CP: variants seen among roughly 807,000 people sequenced by gnomAD.
CP encodes the protein caeruloplasmin.
CP carries 64 observed loss-of-function variants against 122.4 expected under a neutral mutation model. The observed-to-expected ratio is 0.52, with a 90% confidence interval of 0.43 to 0.64. CP has a LOEUF of 0.64. Ranked by LOEUF, CP falls within the 30% of genes least tolerant of loss-of-function variation. The pLI is 0.00. For missense variants in CP, 1,167 were observed against 1,284.4 expected (o/e 0.91, Z 1.40); for synonymous variants, 440 against 436.4 (o/e 1.01, Z -0.10).
At chr3:149,204,155 A>T (rs2108283021) in intron 6 of CP, among the ~76,000 whole-genome samples, 1 of 152,336 alleles carries the variant, frequency 6.6e-6, no homozygotes, top group Middle Eastern at 3.4e-3. Flanking sequence ...GATGGGAGAT[A>T]AGCAGTAGGA....
Position 149,183,207 on chromosome 3 carries a change from C to A in CP, c.2425+259G>T, listed in dbSNP as rs11714000. 0.15 allele frequency among the ~76,000 whole-genome samples: 22,717 copies of A among 151,928 alleles called. 3,011 individuals are homozygous for A. Among genetic ancestry groups the A allele is most frequent in the African/African-American group, 0.36 (14,954 of 41,350 alleles). ...GGAACTTCACTAAAACTACAGGCAT[C>A]AATTTGATAAAATATATATAATTTC... On this transcript the variant is annotated intron_variant, in intron 13 of 18. Transcript: ENST00000264613.
intron 9 of CP, among the ~76,000 whole-genome samples, chr3:149,189,413 GT>G (rs1221805027): frequency 1.3e-5 from 2 of 151,418 alleles, no homozygotes; most frequent in East Asian, 3.9e-4. Flanking sequence ...AATTAGCCGG[GT>G]GTGATGGCGG....
intron 1 of CP, among the ~76,000 whole-genome samples, chr3:149,215,718 T>G (rs769632099): frequency 1.3e-4 from 20 of 152,206 alleles, no homozygotes; most frequent in Non-Finnish European, 2.6e-4. Flanking sequence ...AGTTTGCCAG[T>G]TAGATATTCA....
intron 6 of CP, among the ~76,000 whole-genome samples, chr3:149,205,305 G>A (rs1384492998): frequency 6.6e-6 from 1 of 150,416 alleles, no homozygotes; most frequent in East Asian, 1.9e-4. Flanking sequence ...GAACAGTAAT[G>A]TGGTTCCTCA....
intron 5 of CP, chr3:149,163,717 C>T: frequency 1.6e-6 from 1 of 610,966 alleles, no homozygotes; most frequent in Non-Finnish European, 2.9e-6. Flanking sequence ...CTTCCCATTC[C>T]CAGGAAAGTA....
chr3:149,179,444 T>C (rs1725638454), intron 15 of CP, 112 bp downstream of exon 15: 5 of 844,936 alleles, frequency 5.9e-6, no homozygotes, highest in South Asian at 5.7e-5. Context: ...AAACAGTTTA[T>C]TTTCCTAGGA....
At chr3:149,212,292 C>G (rs34626625) in intron 2 of CP, among the ~76,000 whole-genome samples, 159 bp downstream of exon 2, 1 of 149,364 alleles carries the variant, frequency 6.7e-6, no homozygotes, top group African/African-American at 2.5e-5. Flanking sequence ...GCCTGGGTGA[C>G]AGAAGTCAAA....
At chr3:149,220,263 G>A (rs1235622568) in intron 1 of CP, among the ~76,000 whole-genome samples, 1 of 152,138 alleles carries the variant, frequency 6.6e-6, no homozygotes, top group Non-Finnish European at 1.5e-5. Flanking sequence ...AAGCTGATTT[G>A]ATTTTTGATC....
chr3:149,193,920 G>T (rs1357180783), intron 9 of CP, among the ~76,000 whole-genome samples: 1 of 152,178 alleles, frequency 6.6e-6, no homozygotes, highest in Non-Finnish European at 1.5e-5. Context: ...GACTTCTGAT[G>T]CCTCTGTAGG....
In CP at chr3:149,185,593, C is replaced by G. The variant is rs58865535; in HGVS notation, c.2078-147G>C. On this transcript the variant is annotated intron_variant, in intron 11 of 18. Coordinates refer to ENST00000264613, the MANE Select transcript of CP (RefSeq NM_000096.4). ...TTCTGCTCACCCTGCTCCATCCATCCTTTTGCTGTTCTTAGAGCAGATCAA... is the reference window on the plus strand; with the variant it reads ...TTCTGCTCACCCTGCTCCATCCATCGTTTTGCTGTTCTTAGAGCAGATCAA... 19,122 of 743,178 alleles carry G rather than the reference C, an allele frequency of 0.026. 1,202 individuals carry two copies. The highest frequency in any genetic ancestry group is 0.2 in the African/African-American group (11,205 of 56,476). 46.0% of individuals were successfully genotyped at this position (743,178 alleles called of 1,614,324 possible).
At position 149,182,245 on chromosome 3, in the gene CP, C is replaced by T. The variant is rs1025232537; in HGVS notation, c.2426-112G>A. ...TCCCCCATGGGTTTGTGGTATAATA[C>T]TCTTGGATTTATACTGCGTCCCAGG... is the stretch of plus-strand genomic sequence containing the variant. On this transcript the variant is annotated intron_variant, in intron 13 of 18. Transcript: ENST00000264613. The T allele has an allele frequency of 4.1e-6, 5 of 1,219,780 alleles. No homozygotes were observed. The African/African-American group carries it at 7.5e-5, about 18-fold the overall frequency. The allele number at this position is 1,219,780 out of a possible 1,614,324, so 75.6% of individuals were successfully genotyped here.
At chr3:149,164,782 C>T (rs986429884) in intron 5 of CP, among the ~76,000 whole-genome samples, 10 of 152,174 alleles carry the variant, frequency 6.6e-5, no homozygotes, top group East Asian at 1.9e-4. Flanking sequence ...ACTGTCCTCC[C>T]GCACAGTTAT....
intron 2 of CP, among the ~76,000 whole-genome samples, chr3:149,210,959 TTGAG>T (rs1472105489): frequency 2.6e-5 from 4 of 152,210 alleles, no homozygotes; most frequent in Admixed American, 1.3e-4. Context: ...TCATAAATAC[TTGAG>T]TATGTATCTC....
rs536290881 is a variant in CP at position 149,162,788 on chromosome 3, A to G, written c.*101T>C. On this transcript the variant is annotated 3_prime_UTR_variant, in exon 6 of 6. Transcript: ENST00000479771. The stretch of plus-strand genomic sequence containing the variant: ...GTCTCCCAGATGTGGTACTTCAGGA[A>G]CTCTTTTTCAAACTCACATCACAGT... 2 of 1,613,842 alleles carry G rather than the reference A, an allele frequency of 1.2e-6. No individual in the cohort carries two copies. The highest frequency in any genetic ancestry group is 2.2e-5 in the East Asian group (1 of 44,868).
At chr3:149,218,641 C>G (rs1728613838) in intron 1 of CP, among the ~76,000 whole-genome samples, 1 of 152,298 alleles carries the variant, frequency 6.6e-6, no homozygotes, top group East Asian at 1.9e-4. Flanking sequence ...AATCTCTCCA[C>G]ATGAGGAGCA....
chr3:149,182,283 A>C, intron 13 of CP, 150 bp from the exon 14 acceptor site: 2 of 859,076 alleles, frequency 2.3e-6, no homozygotes, highest in Non-Finnish European at 1.9e-6. Flanking sequence ...ATTTGGAATC[A>C]ATACACTGGA....
exon 5 of CP, chr3:149,166,001 T>A (rs1433137054): frequency 4.4e-6 from 2 of 456,238 alleles, no homozygotes; most frequent in African/African-American, 4.0e-5. Flanking sequence ...TCACACTGAC[T>A]GTGATTGGGT....
intron 18 of CP, among the ~76,000 whole-genome samples, chr3:149,174,212 T>C (rs1300964321): frequency 6.6e-6 from 1 of 152,202 alleles, no homozygotes; most frequent in East Asian, 1.9e-4. Flanking sequence ...AAAGGAGACT[T>C]AAAAGACATG....
intron 15 of CP, among the ~76,000 whole-genome samples, chr3:149,178,913 A>G (rs570964453): frequency 6.6e-6 from 1 of 152,308 alleles, no homozygotes; most frequent in African/African-American, 2.4e-5. Context: ...AAGAATCCCA[A>G]ATGAACAGTG....
Sources: allele counts gnomAD v4.1 joint callset (sites outside exome capture counted in the v4.1 genomes callset), GRCh38; gene constraint gnomAD v4.1.1; transcripts MANE v1.5; gene names NCBI Gene and HGNC (gene_info 2026-07-23, HGNC 2026-07-21).